BCL7B: variants seen among roughly 807,000 people sequenced by gnomAD.
BCL7B encodes the protein BAF chromatin remodeling complex subunit BCL7B.
Under a neutral mutation model 26.5 loss-of-function variants are expected in BCL7B, and 11 were observed. That is an observed-to-expected ratio of 0.42 (90% confidence interval 0.26 to 0.69). The LOEUF (loss-of-function observed/expected upper bound fraction) is 0.69. Ranked by LOEUF, BCL7B falls within the 30% of genes least tolerant of loss-of-function variation. The pLI is 0.28. For missense variants in BCL7B, 215 were observed against 264.4 expected (o/e 0.81, Z 1.30); for synonymous variants, 111 against 107.9 (o/e 1.03, Z -0.18).
At chr7:73,556,916 G>A in intron 1 of BCL7B, 6 of 966,928 alleles carry the variant, frequency 6.2e-6, no homozygotes, top group Non-Finnish European at 4.9e-6. Flanking sequence ...AGCCGCCGGG[G>A]CAGCAAGAGA....
chr7:73,543,699 A>C (rs1791855897), intron 2 of BCL7B, 55 bp from the exon 3 acceptor site: 10 of 1,344,102 alleles, frequency 7.4e-6, no homozygotes, highest in Non-Finnish European at 1.0e-5. Flanking sequence ...ACTCACAGAG[A>C]GGGAGGAGGG....
chr7:73,538,238 T>G (rs985258158), intron 4 of BCL7B: 1 of 374,874 alleles, frequency 2.7e-6, no homozygotes, highest in Non-Finnish European at 4.7e-6. Context: ...GCTGGAGATA[T>G]CTGGAACCGA....
chr7:73,537,482 T>C, intron 5 of BCL7B, 92 bp from the exon 6 acceptor site: 3 of 935,626 alleles, frequency 3.2e-6, no homozygotes, highest in Middle Eastern at 2.1e-4. Context: ...TCCACTCTGC[T>C]CCTTCCAGCA....
rs1554582666 is a variant in BCL7B, at chr7:73,540,119, A to C, written c.266-67T>G. ...ATTTTCCTCAAGAGGAACTCTGGACAGAGCCAAGGGCCTGGCATCACTTTA... is the reference window on the plus strand; with the variant it reads ...ATTTTCCTCAAGAGGAACTCTGGACCGAGCCAAGGGCCTGGCATCACTTTA... On this transcript the variant is annotated intron_variant, in intron 3 of 5. Transcript: ENST00000223368. 5 of 1,536,336 alleles carry C rather than the reference A, an allele frequency of 3.3e-6. No individual in the cohort carries two copies. In the African/African-American group the frequency reaches 6.8e-5, roughly 21 times the overall value.
Position 73,543,569 on chromosome 7 carries a change from A to T in BCL7B, c.244T>A (p.Ser82Thr). ...TCACCCTGGAATTCAAGAAGGAGAG[A>T]GGAATTGGCTGAGGCATCAGAAGGA... The part of the protein sequence containing the change: ...GFPSDASANS[S>T]LLLEFQDENS... The change falls in exon 3 of 6, where the codon TCT (serine) becomes ACT (threonine). Residue 82 changes from serine (S) to threonine (T), a missense_variant. Coordinates refer to ENST00000223368, the MANE Select transcript of BCL7B (RefSeq NM_001707.4). The T allele has an allele frequency of 6.2e-7, 1 of 1,613,822 alleles. No homozygotes were observed. The highest frequency in any genetic ancestry group is 8.5e-7 in the Non-Finnish European group (1 of 1,179,880).
chr7:73,556,282 A>C (rs961130745), intron 1 of BCL7B, among the ~76,000 whole-genome samples: 2 of 152,202 alleles, frequency 1.3e-5, no homozygotes, highest in Non-Finnish European at 2.9e-5. Context: ...ACGACCTTAA[A>C]GGAGGTAAAG....
rs782452325 is a variant in BCL7B at position 73,537,359 on chromosome 7, G to T, written c.548C>A (p.Pro183Gln). ...VVEEEEDSGA[P>Q]PLKRFCVDQP... ...GTCCACACAGAAGCGCTTCAGGGGCGGGGCACCTGAGTCTTCCTCTTCCTC... is the reference window on the plus strand; with the variant it reads ...GTCCACACAGAAGCGCTTCAGGGGCTGGGCACCTGAGTCTTCCTCTTCCTC... Residue 183 changes from proline (P) to glutamine (Q), a missense_variant, in exon 6 of 6, where the codon CCG becomes CAG. Transcript: ENST00000223368. 17 of 1,613,924 alleles carry T rather than the reference G, an allele frequency of 1.1e-5. No individual in the cohort carries two copies. The highest frequency in any genetic ancestry group is 1.4e-5 in the Non-Finnish European group (16 of 1,179,984).
chr7:73,537,834 T>C (rs1190931479), intron 5 of BCL7B, 100 bp downstream of exon 5: 1 of 794,782 alleles, frequency 1.3e-6, no homozygotes, highest in Non-Finnish European at 2.0e-6. Context: ...GAGGTTGTAG[T>C]GAGCCAGGAT....
intron 2 of BCL7B, among the ~76,000 whole-genome samples, chr7:73,549,264 G>A (rs1336320779): frequency 6.6e-6 from 1 of 152,200 alleles, no homozygotes; most frequent in Non-Finnish European, 1.5e-5. Context: ...ACAGCAGAGA[G>A]AGCAATGGAA....
Position 73,537,030 on chromosome 7 carries a change from G to A in BCL7B, c.*268C>T, listed in dbSNP as rs1791557502. The A allele has an allele frequency of 2.7e-6, 1 of 373,796 alleles. No individual in the cohort carries two copies. Among genetic ancestry groups the A allele is most frequent in the Non-Finnish European group, 5.0e-6 (1 of 201,836 alleles). The allele number at this position is 373,796 out of a possible 1,614,324, so 23.2% of individuals were successfully genotyped here. A position where few individuals can be genotyped will look rare whatever the true frequency, so the allele number is the denominator to read the frequency against. On this transcript the variant is annotated 3_prime_UTR_variant, in exon 6 of 6. Transcript: ENST00000223368. ...CAGAGACTGCTGCCTGGAGGTCACA[G>A]ATGAATCTTGGGGTGGCCGATGCTC...
At chr7:73,541,213 C>T (rs1368541698) in intron 3 of BCL7B, among the ~76,000 whole-genome samples, 1 of 152,002 alleles carries the variant, frequency 6.6e-6, no homozygotes, top group Non-Finnish European at 1.5e-5. Context: ...TCCTCCGCTG[C>T]ACCTACAGTA....
In BCL7B at chr7:73,557,068, C is replaced by T. The variant is rs150088636; in HGVS notation, c.92+419G>A. The T allele has an allele frequency of 4.1e-3, 4,017 of 988,416 alleles. 15 individuals are homozygous for T. The highest frequency in any genetic ancestry group is 9.3e-3 in the Middle Eastern group (18 of 1,936). The allele number at this position is 988,416 out of a possible 1,614,324, so 61.2% of individuals were successfully genotyped here. ...AACTTCAACGCCTGAATACGCAGAG[C>T]GCTCAGCCTGGCGGGCTGACACCAC... On this transcript the variant is annotated intron_variant, in intron 1 of 5. Transcript: ENST00000223368.
chr7:73,539,973 G>A lies in BCL7B; in HGVS notation c.345C>T (p.Pro115=). ...CTGGGCTCAGGGACTCACTCTGCTG[G>A]GGGCTGGGGCTTGAGTTGGTGCTGC... ...VDSSTNSSPS[P]QQSESLSPAH... Residue 115 remains proline, a synonymous_variant, in exon 4 of 6, where the codon CCC becomes CCT. Transcript: ENST00000223368. The A allele has an allele frequency of 6.2e-7, 1 of 1,614,080 alleles. No homozygotes were observed.
chr7:73,537,685 C>T (rs367711843), intron 5 of BCL7B, among the ~76,000 whole-genome samples: 12 of 152,010 alleles, frequency 7.9e-5, no homozygotes, highest in South Asian at 6.2e-4. Flanking sequence ...CTCAGGAGTT[C>T]GAGACTAGCC....
intron 3 of BCL7B, among the ~76,000 whole-genome samples, chr7:73,541,852 G>C (rs1791783000): frequency 6.6e-6 from 1 of 152,128 alleles, no homozygotes. Context: ...AGTGCCTACT[G>C]TTCTCCTACA....
chr7:73,553,598 G>A (rs1331160833), intron 1 of BCL7B: 1 of 152,652 alleles, frequency 6.6e-6, no homozygotes, highest in Non-Finnish European at 1.5e-5. Context: ...GCTTGAACCT[G>A]AGAGGCAGAG....
intron 2 of BCL7B, among the ~76,000 whole-genome samples, chr7:73,545,471 C>A (rs553623420): frequency 6.6e-6 from 1 of 152,282 alleles, no homozygotes; most frequent in South Asian, 2.1e-4. Context: ...ATCCGCCCGC[C>A]TCAGCCTCCC....
chr7:73,556,056 G>C lies in BCL7B; in HGVS notation c.92+1431C>G, dbSNP rs529326356. The stretch of plus-strand genomic sequence containing the variant: ...CAGCCTAGCCTGCTAGGGGCGGGGG[G>C]GTCAAAAATGGGGAGAAGAGAAAGG... On this transcript the variant is annotated intron_variant, in intron 1 of 5. Coordinates refer to ENST00000223368, the MANE Select transcript of BCL7B (RefSeq NM_001707.4). 2.0e-5 allele frequency among the ~76,000 whole-genome samples: 3 copies of C among 151,958 alleles called. No individual in the cohort carries two copies. In the South Asian group the frequency reaches 6.2e-4, roughly 32 times the overall value.
intron 2 of BCL7B, 34 bp downstream of exon 2, chr7:73,552,133 A>G: frequency 6.5e-7 from 1 of 1,543,476 alleles, no homozygotes; most frequent in Non-Finnish European, 8.8e-7. Context: ...AGAAATAAAG[A>G]AAATGGTATC....
Sources: allele counts gnomAD v4.1 joint callset (sites outside exome capture counted in the v4.1 genomes callset), GRCh38; gene constraint gnomAD v4.1.1; transcripts MANE v1.5; gene names NCBI Gene and HGNC (gene_info 2026-07-23, HGNC 2026-07-21).